PKHD1: variants seen among roughly 807,000 people sequenced by gnomAD.
PKHD1 encodes the protein fibrocystin.
In PKHD1, 291 loss-of-function variants were observed where a neutral mutation model predicts 412.0. The observed-to-expected ratio is 0.71, with a 90% CI of 0.64 to 0.78. The LOEUF is 0.78. Ranked by LOEUF, PKHD1 falls within the 30% of genes least tolerant of loss-of-function variation. The probability of loss-of-function intolerance (pLI) is 0.00; values close to 1 mark genes in which losing one functional copy is unlikely to be tolerated. For missense variants in PKHD1, 4,825 were observed against 4,950.7 expected (o/e 0.97, Z 0.76); for synonymous variants, 1,777 against 1,821.5 (o/e 0.98, Z 0.62).
At chr6:52,072,049 G>T in intron 8 of PKHD1, 66 bp downstream of exon 8, 2 of 884,424 alleles carry the variant, frequency 2.3e-6, no homozygotes, top group Middle Eastern at 2.1e-4. Flanking sequence ...GAGAGAATGT[G>T]TGTGTGTTGT....
chr6:51,887,266 T>TA, intron 43 of PKHD1, 21 bp from the exon 44 acceptor site: 1 of 1,429,688 alleles, frequency 7.0e-7, no homozygotes, highest in Non-Finnish European at 9.9e-7. Flanking sequence ...TAAGAAGAGT[T>TA]AAAAAATAGT....
chr6:51,846,518 T>G (rs985885976), intron 50 of PKHD1, among the ~76,000 whole-genome samples: 1 of 152,142 alleles, frequency 6.6e-6, no homozygotes, highest in Non-Finnish European at 1.5e-5. Context: ...GGCCTCACAG[T>G]GAGCTGCGAT....
At chr6:51,725,732 A>T (rs1406314692) in intron 60 of PKHD1, among the ~76,000 whole-genome samples, 1 of 152,224 alleles carries the variant, frequency 6.6e-6, no homozygotes, top group Non-Finnish European at 1.5e-5. Flanking sequence ...TCTGGTAAAT[A>T]ACAGTCTGTG....
chr6:51,700,933 G>T (rs2150700850), intron 60 of PKHD1, among the ~76,000 whole-genome samples: 1 of 152,154 alleles, frequency 6.6e-6, no homozygotes, highest in Admixed American at 6.6e-5. Flanking sequence ...CATAACTGAT[G>T]GTTCTAAACC....
At chr6:51,966,470 T>C (rs1792829338) in intron 35 of PKHD1, among the ~76,000 whole-genome samples, 1 of 152,188 alleles carries the variant, frequency 6.6e-6, no homozygotes, top group African/African-American at 2.4e-5. Context: ...CAGCTTGACT[T>C]TTCCCTTTAG....
In PKHD1 at chr6:51,746,790, G is replaced by A. The variant is rs767062156; in HGVS notation, c.9929C>T (p.Thr3310Ile). ...CTTTAGCATCCTGGTCCTCTCTGCT[G>A]TTATTGGGTGCATAATTCCACTGTT... ...AENSGIMHPITAERTRMLKIK... is the reference protein window; with the variant it reads ...AENSGIMHPIIAERTRMLKIK... Residue 3310 changes from threonine (T) to isoleucine (I), a missense_variant, in exon 59 of 67, where the codon ACA becomes ATA. By Grantham distance (89) the Thr-to-Ile change is moderately conservative (BLOSUM62 -1). Transcript: ENST00000371117. The A allele has an allele frequency of 1.2e-6, 2 of 1,611,190 alleles. No individual in the cohort carries two copies. Among genetic ancestry groups the A allele is most frequent in the East Asian group, 2.2e-5 (1 of 44,830 alleles).
chr6:52,003,875 C>A (rs886952737), intron 35 of PKHD1, among the ~76,000 whole-genome samples: 1 of 151,954 alleles, frequency 6.6e-6, no homozygotes, highest in Non-Finnish European at 1.5e-5. Flanking sequence ...GAAATTTCTA[C>A]CAAAAAAACC....
intron 65 of PKHD1, among the ~76,000 whole-genome samples, chr6:51,631,945 T>TA (rs1196426259): frequency 1.3e-5 from 2 of 150,786 alleles, no homozygotes; most frequent in Non-Finnish European, 3.0e-5. Flanking sequence ...TTTTCTTTTT[T>TA]TTTTTTTTTA....
At chr6:51,762,513 T>C (rs1401830691) in intron 55 of PKHD1, among the ~76,000 whole-genome samples, 1 of 152,010 alleles carries the variant, frequency 6.6e-6, no homozygotes, top group Non-Finnish European at 1.5e-5. Flanking sequence ...GATAAATTGA[T>C]AAAACACAGA....
Position 52,054,156 on chromosome 6 carries a change from C to A in PKHD1, c.1846G>T (p.Ala616Ser). Residue 616 changes from alanine to serine, a missense_variant, in exon 20 of 67, where the codon GCA becomes TCA. Coordinates refer to ENST00000371117, the MANE Select transcript of PKHD1 (RefSeq NM_138694.4). ...RLDQYTHLCL[A>S]YKGHMNKILK... Reference sequence around the variant, plus strand: ...ATCTTGTTCATGTGGCCTTTGTATGCAAGACACAGCTATGGACACCAAATA... The same window carrying A: ...ATCTTGTTCATGTGGCCTTTGTATGAAAGACACAGCTATGGACACCAAATA... 1 of 1,613,926 alleles carries A rather than the reference C, an allele frequency of 6.2e-7. No homozygotes were observed. Among genetic ancestry groups the A allele is most frequent in the South Asian group, 1.1e-5 (1 of 91,080 alleles).
At chr6:52,043,191 T>C in intron 26 of PKHD1, 57 bp from the exon 27 acceptor site, 1 of 1,368,540 alleles carries the variant, frequency 7.3e-7, no homozygotes, top group Non-Finnish European at 1.0e-6. Context: ...TGATATTACT[T>C]CATTTGAGAG....
At chr6:52,061,533 A>AC (rs1808668321) in intron 14 of PKHD1, among the ~76,000 whole-genome samples, 1 of 152,158 alleles carries the variant, frequency 6.6e-6, no homozygotes, top group African/African-American at 2.4e-5. Context: ...TTCAGGAGAC[A>AC]CTTTCCTGCT....
chr6:51,830,408 C>A (rs1025322645), intron 52 of PKHD1, among the ~76,000 whole-genome samples: 2 of 152,144 alleles, frequency 1.3e-5, no homozygotes, highest in Non-Finnish European at 2.9e-5. Flanking sequence ...TACTTCTCGG[C>A]AATTTTCAAA....
intron 11 of PKHD1, among the ~76,000 whole-genome samples, chr6:52,067,123 G>T (rs1809851904): frequency 6.6e-6 from 1 of 152,160 alleles, no homozygotes; most frequent in Admixed American, 6.5e-5. Flanking sequence ...CATTTTAGGA[G>T]GTTATTTTAT....
chr6:51,690,491 G>C (rs796409511), intron 60 of PKHD1, among the ~76,000 whole-genome samples: 2 of 151,912 alleles, frequency 1.3e-5, no homozygotes, highest in African/African-American at 4.8e-5. Flanking sequence ...AAACAGAAGA[G>C]AGAACCCAGA....
At chr6:52,044,799 T>C (rs1334749254) in intron 25 of PKHD1, among the ~76,000 whole-genome samples, 167 bp downstream of exon 25, 1 of 152,230 alleles carries the variant, frequency 6.6e-6, no homozygotes, top group East Asian at 1.9e-4. Context: ...CAGGGAACTG[T>C]ACATACCCTG....
chr6:51,923,107 C>T (rs1011057588), intron 37 of PKHD1, among the ~76,000 whole-genome samples: 2 of 152,024 alleles, frequency 1.3e-5, no homozygotes, highest in Non-Finnish European at 2.9e-5. Flanking sequence ...TTTAAGGTAA[C>T]GTTCATGGGT....
rs1048619854 is a variant in PKHD1 at position 51,791,310 on chromosome 6, A to G, written c.8366T>C (p.Leu2789Ser). The G allele has an allele frequency of 6.2e-7, 1 of 1,613,478 alleles. No homozygotes were observed. Among genetic ancestry groups the G allele is most frequent in the Non-Finnish European group, 8.5e-7 (1 of 1,179,542 alleles). The change falls in exon 53 of 67, where the codon TTA becomes TCA. Residue 2789 changes from leucine (L) to serine (S), a missense_variant. Transcript: ENST00000371117. The part of the protein sequence containing the change: ...FFKGLYVMGT[L>S]DFPVDRSNVL... ...ATTGCTTCTGTCCACAGGGAAGTCT[A>G]AGGTCCCCATCACATACAGCCCTTT...
chr6:52,054,283 C>G (rs149453052), intron 19 of PKHD1, 118 bp from the exon 20 acceptor site: 2 of 890,832 alleles, frequency 2.2e-6, no homozygotes, highest in Non-Finnish European at 3.6e-6. Flanking sequence ...AGAGTCAGCA[C>G]AGTTCCTGCC....
Sources: allele counts gnomAD v4.1 joint callset (sites outside exome capture counted in the v4.1 genomes callset), GRCh38; gene constraint gnomAD v4.1.1; transcripts MANE v1.5; gene names NCBI Gene and HGNC (gene_info 2026-07-23, HGNC 2026-07-21).